The following LDB2 variants were observed in gnomAD, a reference collection of about 807,000 sequenced individuals.
The protein encoded by LDB2 is LIM domain binding 2, also known as LIM domain-binding protein 2.
LDB2 carries 12 observed loss-of-function variants against 44.3 expected under a neutral mutation model. The ratio of observed to expected loss-of-function variants is 0.27; its 90% CI spans 0.17 to 0.44. The LOEUF is 0.44. Ranked by LOEUF, LDB2 falls within the 20% of genes least tolerant of loss-of-function variation. The pLI is 1.00. For synonymous variants in LDB2, 164 were observed against 174.8 expected (o/e 0.94, Z 0.49); for missense variants, 344 against 473.5 (o/e 0.73, Z 2.54).
intron 3 of LDB2, among the ~76,000 whole-genome samples, chr4:16,592,688 A>G (rs1719557558): frequency 6.6e-6 from 1 of 151,884 alleles, no homozygotes; most frequent in Non-Finnish European, 1.5e-5. Context: ...TTTCCATGGT[A>G]CTTCTCTGTA....
intron 5 of LDB2, among the ~76,000 whole-genome samples, chr4:16,584,599 C>T (rs1214387902): frequency 5.9e-5 from 9 of 152,226 alleles, no homozygotes; most frequent in Non-Finnish European, 8.8e-5. Context: ...ATGCAGCAAG[C>T]ACGGTGTTCG....
intron 1 of LDB2, among the ~76,000 whole-genome samples, chr4:16,773,909 C>T (rs547154919): frequency 6.6e-6 from 1 of 150,466 alleles, no homozygotes; most frequent in East Asian, 2.0e-4. Flanking sequence ...AATCCCAGCA[C>T]TTTGGGAGGC....
chr4:16,542,295 AAAAGT>A, intron 5 of LDB2, among the ~76,000 whole-genome samples: 1 of 152,322 alleles, frequency 6.6e-6, no homozygotes, highest in East Asian at 1.9e-4. Flanking sequence ...GAGATGAGAG[AAAAGT>A]AAAGAAATAA....
intron 1 of LDB2, among the ~76,000 whole-genome samples, chr4:16,775,508 A>T (rs1034847876): frequency 3.3e-5 from 5 of 152,278 alleles, no homozygotes; most frequent in African/African-American, 1.2e-4. Flanking sequence ...TTAACTGATA[A>T]ATTAAAGTGC....
intron 5 of LDB2, among the ~76,000 whole-genome samples, chr4:16,513,008 C>CAATT (rs1722385594): frequency 6.6e-6 from 1 of 152,174 alleles, no homozygotes; most frequent in African/African-American, 2.4e-5. Flanking sequence ...ATCACTATTG[C>CAATT]AATTACAATG....
chr4:16,893,972 C>G (rs376028024), intron 1 of LDB2, among the ~76,000 whole-genome samples: 1 of 152,044 alleles, frequency 6.6e-6, no homozygotes, highest in East Asian at 1.9e-4. Context: ...AATAATCGAA[C>G]ATTAGTTAAA....
chr4:16,846,439 A>C (rs1787022825), intron 1 of LDB2, among the ~76,000 whole-genome samples: 1 of 152,202 alleles, frequency 6.6e-6, no homozygotes, highest in African/African-American at 2.4e-5. Context: ...CAAACTCTTT[A>C]GCAGAACAAG....
chr4:16,659,539 T>C (rs1011201665), intron 2 of LDB2, among the ~76,000 whole-genome samples: 2 of 149,600 alleles, frequency 1.3e-5, no homozygotes, highest in East Asian at 3.9e-4. Flanking sequence ...ATTCAGCTAA[T>C]TGTGATTTTA....
intron 1 of LDB2, among the ~76,000 whole-genome samples, chr4:16,856,695 C>T (rs1011822127): frequency 5.9e-5 from 9 of 152,254 alleles, no homozygotes; most frequent in African/African-American, 2.2e-4. Context: ...AATGCTCACA[C>T]CTATATAATG....
At position 16,737,071 on chromosome 4, in the gene LDB2, A is replaced by G. The variant is rs377361641; in HGVS notation, c.235+22087T>C. On this transcript the variant is annotated intron_variant, in intron 2 of 7. Coordinates refer to ENST00000304523, the MANE Select transcript of LDB2 (RefSeq NM_001290.5). ...AAAGTTAAAATGTATTTTTTTTGTA[A>G]CAATAACTGCTGCTGCTAAGAGTAA... 9.2e-5 allele frequency among the ~76,000 whole-genome samples: 14 copies of G among 152,312 alleles called. No homozygotes were observed. The East Asian group carries it at 2.1e-3, about 23-fold the overall frequency.
chr4:16,897,971 T>TACAC (rs1725805220), intron 1 of LDB2, among the ~76,000 whole-genome samples: 1 of 75,726 alleles, frequency 1.3e-5, no homozygotes, highest in African/African-American at 4.6e-5. Flanking sequence ...TATATATATA[T>TACAC]ATACACATAT....
At chr4:16,554,055 T>TA (rs1738616174) in intron 5 of LDB2, among the ~76,000 whole-genome samples, 1 of 151,858 alleles carries the variant, frequency 6.6e-6, no homozygotes, top group Non-Finnish European at 1.5e-5. Context: ...CCTGAATTTT[T>TA]TTTTTTTTTT....
At chr4:16,782,204 C>A (rs563836015) in intron 1 of LDB2, among the ~76,000 whole-genome samples, 2 of 152,134 alleles carry the variant, frequency 1.3e-5, no homozygotes, top group Non-Finnish European at 2.9e-5. Context: ...CACATCAGGC[C>A]GCAATGCTGC....
chr4:16,849,170 C>T (rs1202914879), intron 1 of LDB2, among the ~76,000 whole-genome samples: 1 of 152,106 alleles, frequency 6.6e-6, no homozygotes, highest in East Asian at 1.9e-4. Flanking sequence ...CTGTACTTGC[C>T]ATTGGCTCCT....
At chr4:16,515,023 G>A (rs1277123143) in intron 5 of LDB2, among the ~76,000 whole-genome samples, 3 of 152,134 alleles carry the variant, frequency 2.0e-5, no homozygotes, top group African/African-American at 4.8e-5. Flanking sequence ...TAGCGAAGAC[G>A]TGGAATCAAC....
At position 16,739,587 on chromosome 4, in the gene LDB2, A is replaced by ATATAT. The variant is rs747031201; in HGVS notation, c.235+19570_235+19571insATATA. Among the ~76,000 whole-genome samples the ATATAT allele has an allele frequency of 4.7e-4, 31 of 65,350 alleles. 4 individuals carry two copies. The highest frequency in any genetic ancestry group is 7.8e-3 in the Middle Eastern group (1 of 128). The allele number at this position is 65,350 out of a possible 152,430, so 42.9% of individuals were successfully genotyped here. ...GGTGACAGAGGGAAAAAAAAAAAAA[A>ATATAT]AAATATATATATATATATATATGTA... On this transcript the variant is annotated intron_variant, in intron 2 of 7. Transcript: ENST00000304523.
chr4:16,674,439 C>G (rs1323331584), intron 2 of LDB2: 2 of 424,884 alleles, frequency 4.7e-6, no homozygotes, highest in Non-Finnish European at 9.2e-6. Context: ...ACCCATCATT[C>G]ATTGAGTGTC....
At position 16,705,103 on chromosome 4, in the gene LDB2, AT is replaced by A. The variant is rs76409206; in HGVS notation, c.235+54054del. 5.8e-4 allele frequency among the ~76,000 whole-genome samples: 89 copies of A among 152,140 alleles called. 2 individuals carry two copies. The East Asian group carries it at 0.012, about 21-fold the overall frequency. ...TGTTATTAATTATGAAATAATAATT[AT>A]ACATAATCCTTTCATAGTTTACATA... On this transcript the variant is annotated intron_variant, in intron 2 of 7. Coordinates refer to ENST00000304523, the MANE Select transcript of LDB2 (RefSeq NM_001290.5).
At chr4:16,679,756 TGTGA>T (rs1227978195) in intron 2 of LDB2, among the ~76,000 whole-genome samples, 1 of 152,026 alleles carries the variant, frequency 6.6e-6, no homozygotes, top group East Asian at 1.9e-4. Flanking sequence ...GAGGAGCTGA[TGTGA>T]GTAAGGCCAG....
Sources: gnomAD v4.1 joint callset for allele counts (sites outside exome capture counted in the v4.1 genomes callset) on GRCh38, gnomAD v4.1.1 for gene constraint, MANE v1.5 for transcripts, NCBI Gene and HGNC (gene_info 2026-07-23, HGNC 2026-07-21) for gene names.